The following RBM28 variants were observed in gnomAD, a reference collection of about 807,000 sequenced individuals.
RBM28 encodes the protein RNA binding motif protein 28.
RBM28 carries 78 observed loss-of-function variants against 98.3 expected under a neutral mutation model. The observed-to-expected ratio is 0.79, with a 90% CI of 0.66 to 0.96. RBM28 has a LOEUF of 0.96. Among genes scored for constraint, RBM28 ranks in the 40% least tolerant of loss-of-function variants. The pLI, the probability that RBM28 is intolerant of heterozygous loss-of-function variation, is 0.00. For missense variants in RBM28, 838 were observed against 913.0 expected, an observed-to-expected ratio of 0.92 and a Z score of 1.06; for synonymous variants, 306 against 330.9, an observed-to-expected ratio of 0.92 and a Z score of 0.82.
intron 14 of RBM28, among the ~76,000 whole-genome samples, chr7:128,318,705 G>A (rs1428677086): frequency 3.3e-5 from 5 of 151,986 alleles, no homozygotes; most frequent in Non-Finnish European, 5.9e-5. Flanking sequence ...TTTATAAAGC[G>A]GTATGGATGT....
intron 9 of RBM28, among the ~76,000 whole-genome samples, chr7:128,332,410 G>T (rs1389821349): frequency 6.6e-6 from 1 of 151,570 alleles, no homozygotes; most frequent in Non-Finnish European, 1.5e-5. Flanking sequence ...CTGGAGTGCA[G>T]TGGCACAATC....
At chr7:128,340,988 G>C in intron 1 of RBM28, 1 of 397,312 alleles carries the variant, frequency 2.5e-6, no homozygotes, top group Admixed American at 3.7e-5. Flanking sequence ...TTAGGACCAA[G>C]GAGATGAAAA....
At chr7:128,338,179 G>A (rs1796642490) in intron 5 of RBM28, 71 bp downstream of exon 5, 3 of 1,103,074 alleles carry the variant, frequency 2.7e-6, no homozygotes, top group African/African-American at 1.5e-5. Flanking sequence ...AATGCAGAAA[G>A]TGGGTTACTA....
chr7:128,335,536 A>C lies in RBM28; in HGVS notation c.946+7T>G. 1 of 1,614,180 alleles carries C rather than the reference A, an allele frequency of 6.2e-7. No individual in the cohort carries two copies. Among genetic ancestry groups the C allele is most frequent in the Non-Finnish European group, 8.5e-7 (1 of 1,180,034 alleles). The stretch of plus-strand genomic sequence containing the variant: ...GTCTAAAGACATTTATGAAAATCCA[A>C]ACAAACCTTTATCCTCTTGCTCCTC... On this transcript the variant is annotated splice_region_variant and intron_variant, in intron 8 of 18. Transcript: ENST00000223073.
chr7:128,313,574 C>A (rs534070540), intron 17 of RBM28, among the ~76,000 whole-genome samples: 1 of 152,138 alleles, frequency 6.6e-6, no homozygotes, highest in Non-Finnish European at 1.5e-5. Flanking sequence ...GGTTACAGTG[C>A]GCTATGATCA....
At chr7:128,324,737 G>A in intron 11 of RBM28, 43 bp from the exon 12 acceptor site, 3 of 1,613,132 alleles carry the variant, frequency 1.9e-6, no homozygotes, top group Non-Finnish European at 2.5e-6. Context: ...ATAATGGCCG[G>A]GCACAGTGGC....
chr7:128,338,791 T>A lies in RBM28; in HGVS notation c.383A>T (p.Asp128Val). 2 of 1,610,476 alleles carry A rather than the reference T, an allele frequency of 1.2e-6. No individual in the cohort carries two copies. Among genetic ancestry groups the A allele is most frequent in the South Asian group, 2.2e-5 (2 of 90,978 alleles). ...IRNLSFKCSEDDLKTVFAQFG... is the reference protein window; with the variant it reads ...IRNLSFKCSEVDLKTVFAQFG... ...TTGAGCAAATACTGTCTTCAAGTCA[T>A]CTTCTGAACACTGAAGCCAAAAGTG... Residue 128 changes from aspartate (D) to valine (V), a missense_variant, in exon 4 of 19, where the codon GAT becomes GTT. Coordinates refer to ENST00000223073, the MANE Select transcript of RBM28 (RefSeq NM_018077.3).
At chr7:128,322,046 C>CAAAAA (rs10633144) in intron 13 of RBM28, among the ~76,000 whole-genome samples, 2 of 143,880 alleles carry the variant, frequency 1.4e-5, no homozygotes, top group African/African-American at 5.1e-5. Flanking sequence ...GAAATTCGGT[C>CAAAAA]AAAAAAAAAA....
rs1795738508 is a variant in RBM28, at chr7:128,298,550, A to T, written c.*12247T>A. 2 of 135,968 alleles carry T rather than the reference A, an allele frequency of 1.5e-5. No homozygotes were observed. The highest frequency in any genetic ancestry group is 5.2e-5 in the African/African-American group (2 of 38,696). 8.4% of individuals were successfully genotyped at this position (135,968 alleles called of 1,614,324 possible). ...AGCATATATTATTTTTACAATCAGA[A>T]AAAAATGAACGGATTTATTTTCAAA... On this transcript the variant is annotated 3_prime_UTR_variant, in exon 19 of 19. Transcript: ENST00000223073.
Position 128,313,184 on chromosome 7 carries a change from CGAT to C in RBM28, c.2133_2135del (p.Ser713del). The C allele has an allele frequency of 6.2e-7, 1 of 1,613,886 alleles. No homozygotes were observed. The highest frequency in any genetic ancestry group is 8.5e-7 in the Non-Finnish European group (1 of 1,179,778). On this transcript the variant is annotated inframe_deletion, in exon 18 of 19. Coordinates refer to ENST00000223073, the MANE Select transcript of RBM28 (RefSeq NM_018077.3). The stretch of plus-strand genomic sequence containing the variant: ...GTCCTGCAGAACTCACCTGCTCGGA[CGAT>C]AATTGCTGCTTCTCCTGCTTCCACT...
intron 6 of RBM28, among the ~76,000 whole-genome samples, chr7:128,336,258 TC>T (rs1308348784): frequency 6.6e-6 from 1 of 152,176 alleles, no homozygotes; most frequent in East Asian, 1.9e-4. Flanking sequence ...TTAGAGTTTG[TC>T]CCATTCATCA....
intron 18 of RBM28, among the ~76,000 whole-genome samples, chr7:128,312,781 A>T (rs1236350295): frequency 1.3e-5 from 2 of 152,208 alleles, no homozygotes; most frequent in African/African-American, 4.8e-5. Flanking sequence ...TATTAGTTTC[A>T]TTAGATATTA....
chr7:128,325,036 TAACAA>T (rs1184577682), intron 11 of RBM28, among the ~76,000 whole-genome samples: 4 of 151,520 alleles, frequency 2.6e-5, no homozygotes, highest in South Asian at 2.1e-4. Flanking sequence ...AATAAAAAAA[TAACAA>T]AACAAAACAA....
intron 18 of RBM28, among the ~76,000 whole-genome samples, chr7:128,311,836 A>T (rs1183543146): frequency 1.3e-5 from 2 of 152,234 alleles, no homozygotes; most frequent in African/African-American, 4.8e-5. Context: ...TTGACAAAGG[A>T]AGATTTTTCT....
rs1431276920 is a variant in RBM28, at chr7:128,298,006, A to T, written c.*12791T>A. 3 of 92,874 alleles carry T rather than the reference A, an allele frequency of 3.2e-5. No individual in the cohort carries two copies. The highest frequency in any genetic ancestry group is 4.3e-5 in the Non-Finnish European group (2 of 46,840). 5.8% of individuals were successfully genotyped at this position (92,874 alleles called of 1,614,324 possible). ...CTATTGAGGGGTGGGGGGAGGGGGG[A>T]GGGATAGCATTGGGAGATATACCTA... On this transcript the variant is annotated 3_prime_UTR_variant, in exon 19 of 19. Transcript: ENST00000223073.
chr7:128,314,132 T>C (rs945782513), intron 17 of RBM28, among the ~76,000 whole-genome samples: 2 of 152,080 alleles, frequency 1.3e-5, no homozygotes, highest in Non-Finnish European at 2.9e-5. Flanking sequence ...CCAGCTAATT[T>C]TTTGTATTTT....
At chr7:128,335,792 T>G in intron 7 of RBM28, 55 bp downstream of exon 7, 1 of 1,613,884 alleles carries the variant, frequency 6.2e-7, no homozygotes, top group Non-Finnish European at 8.5e-7. Flanking sequence ...ATTTTTCCTC[T>G]CGGAGACAAT....
rs1471363818 is a variant in RBM28 at position 128,305,600 on chromosome 7, G to A, written c.*5197C>T. The stretch of plus-strand genomic sequence containing the variant: ...GACCTCTCAAAGTGCTGGGAATATA[G>A]GCATGAGCCACCATGCCAAGCCGAG... On this transcript the variant is annotated 3_prime_UTR_variant, in exon 19 of 19. Transcript: ENST00000223073. The A allele has an allele frequency of 1.3e-5, 2 of 152,294 alleles. No individual in the cohort carries two copies. The highest frequency in any genetic ancestry group is 2.9e-5 in the Non-Finnish European group (2 of 68,130). The allele number at this position is 152,294 out of a possible 1,614,324, so 9.4% of individuals were successfully genotyped here. A position where few individuals can be genotyped will look rare whatever the true frequency, so the allele number is the denominator to read the frequency against.
chr7:128,343,824 G>C lies in RBM28; in HGVS notation c.-31C>G. On this transcript the variant is annotated 5_prime_UTR_variant, in exon 1 of 19. Coordinates refer to ENST00000223073, the MANE Select transcript of RBM28 (RefSeq NM_018077.3). The stretch of plus-strand genomic sequence containing the variant: ...CGGGAAACCCAAAGCGCGTGAGGAC[G>C]CGAGCAAACTAGGCCGGCGCACGCG... 3 of 1,515,552 alleles carry C rather than the reference G, an allele frequency of 2.0e-6. No homozygotes were observed. The highest frequency in any genetic ancestry group is 2.7e-6 in the Non-Finnish European group (3 of 1,115,248). 93.9% of individuals were successfully genotyped at this position (1,515,552 alleles called of 1,614,324 possible).
Sources: gnomAD v4.1 joint callset for allele counts (sites outside exome capture counted in the v4.1 genomes callset) on GRCh38, gnomAD v4.1.1 for gene constraint, MANE v1.5 for transcripts, NCBI Gene and HGNC (gene_info 2026-07-23, HGNC 2026-07-21) for gene names.